The following SIPA1L2 variants were observed in gnomAD, a reference collection of about 807,000 sequenced individuals.
The protein encoded by SIPA1L2 is signal-induced proliferation-associated 1-like protein 2.
SIPA1L2 carries 56 observed loss-of-function variants against 163.9 expected under a neutral mutation model. The ratio of observed to expected loss-of-function variants is 0.34; its 90% CI spans 0.28 to 0.43. The LOEUF (loss-of-function observed/expected upper bound fraction) is 0.43. Among genes scored for constraint, SIPA1L2 ranks in the 20% least tolerant of loss-of-function variants. The probability of loss-of-function intolerance (pLI) is 1.00; values close to 1 mark genes in which losing one functional copy is unlikely to be tolerated. For missense variants in SIPA1L2, 1,974 were observed against 2,193.5 expected, an observed-to-expected ratio of 0.90 and a Z score of 2.00; for synonymous variants, 877 against 865.7, an observed-to-expected ratio of 1.01 and a Z score of -0.23.
rs184413397 is a variant in SIPA1L2 at position 232,437,337 on chromosome 1, A to G, written c.4031+1771T>C. Among the ~76,000 whole-genome samples, 167 of 152,348 alleles carry G rather than the reference A, an allele frequency of 1.1e-3. 3 individuals are homozygous for G. The highest frequency in any genetic ancestry group is 9.3e-3 in the Admixed American group (142 of 15,306). On this transcript the variant is annotated intron_variant, in intron 15 of 22. Coordinates refer to ENST00000674635, the MANE Select transcript of SIPA1L2 (RefSeq NM_020808.5). ...AGATGGTCTCCACAGTATGACCACTATTCCTGAAATTAAGCCAGGAATAAT... is the reference window on the plus strand; with the variant it reads ...AGATGGTCTCCACAGTATGACCACTGTTCCTGAAATTAAGCCAGGAATAAT...
chr1:232,408,288 G>GTTTT (rs56832581), intron 19 of SIPA1L2, among the ~76,000 whole-genome samples: 5 of 146,536 alleles, frequency 3.4e-5, no homozygotes, highest in Admixed American at 6.8e-5. Context: ...ATGAAGGACT[G>GTTTT]TTTTTTTTTT....
intron 5 of SIPA1L2, 113 bp downstream of exon 5, chr1:232,490,761 T>A (rs534426995): frequency 1.8e-6 from 2 of 1,120,922 alleles, no homozygotes; most frequent in Non-Finnish European, 2.6e-6. Context: ...GAGAAAATGT[T>A]CTAAGGCATT....
chr1:232,538,562 G>A (rs1222069281), intron 2 of SIPA1L2, among the ~76,000 whole-genome samples: 1 of 152,048 alleles, frequency 6.6e-6, no homozygotes, highest in Non-Finnish European at 1.5e-5. Context: ...GCACTCAAAT[G>A]GCCTATGTAA....
intron 7 of SIPA1L2, among the ~76,000 whole-genome samples, 191 bp downstream of exon 7, chr1:232,479,436 C>A (rs766080468): frequency 6.6e-6 from 1 of 152,092 alleles, no homozygotes; most frequent in Non-Finnish European, 1.5e-5. Context: ...AAGTTTTATA[C>A]GAAAAAAGTG....
chr1:232,584,521 C>T (rs963265521), intron 1 of SIPA1L2, among the ~76,000 whole-genome samples: 1 of 152,188 alleles, frequency 6.6e-6, no homozygotes, highest in East Asian at 1.9e-4. Flanking sequence ...TTTGTTGAAC[C>T]TAAGCATAAA....
chr1:232,579,109 C>A (rs911971950), intron 1 of SIPA1L2, among the ~76,000 whole-genome samples: 2 of 152,182 alleles, frequency 1.3e-5, no homozygotes, highest in African/African-American at 4.8e-5. Flanking sequence ...TGCAGACAAA[C>A]AGAGGTCTGG....
At chr1:232,607,438 AT>A (rs1168318197) in intron 1 of SIPA1L2, among the ~76,000 whole-genome samples, 1 of 152,228 alleles carries the variant, frequency 6.6e-6, no homozygotes, top group African/African-American at 2.4e-5. Context: ...AATAACAAAT[AT>A]TACATTGGGT....
chr1:232,403,225 G>A (rs550658499), intron 21 of SIPA1L2, among the ~76,000 whole-genome samples: 1 of 152,340 alleles, frequency 6.6e-6, no homozygotes, highest in East Asian at 1.9e-4. Flanking sequence ...TGGCAGGCAG[G>A]GTGTGCCCAT....
chr1:232,550,030 G>T (rs1201192142), intron 2 of SIPA1L2, among the ~76,000 whole-genome samples: 1 of 152,130 alleles, frequency 6.6e-6, no homozygotes, highest in Non-Finnish European at 1.5e-5. Flanking sequence ...CCTGAAGAGG[G>T]ATTACACACT....
chr1:232,428,209 C>T (rs1197663626), intron 17 of SIPA1L2, among the ~76,000 whole-genome samples: 1 of 152,168 alleles, frequency 6.6e-6, no homozygotes, highest in Middle Eastern at 3.2e-3. Context: ...TAAAAACAGC[C>T]TTCTTAACCT....
At chr1:232,419,462 A>G (rs1238443108) in intron 18 of SIPA1L2, among the ~76,000 whole-genome samples, 1 of 152,158 alleles carries the variant, frequency 6.6e-6, no homozygotes, top group Non-Finnish European at 1.5e-5. Context: ...TGTTGAAGGT[A>G]GGGCCTCGTG....
chr1:232,620,200 C>A (rs970946033), intron 1 of SIPA1L2, among the ~76,000 whole-genome samples: 1 of 152,044 alleles, frequency 6.6e-6, no homozygotes, highest in African/African-American at 2.4e-5. Context: ...TTTAAATTAC[C>A]ATTTTTCTCC....
chr1:232,514,228 G>C lies in SIPA1L2; in HGVS notation c.1112C>G (p.Thr371Arg). 6.2e-7 allele frequency: 1 copy of C among 1,614,192 alleles called. No individual in the cohort carries two copies. The highest frequency in any genetic ancestry group is 8.5e-7 in the Non-Finnish European group (1 of 1,180,044). Residue 371 changes from threonine (T) to arginine (R), a missense_variant, in exon 3 of 23, where the codon ACG (threonine) becomes AGG (arginine). Transcript: ENST00000674635. Reference protein sequence around the residue: ...ASAASQTQMPTGQTGNCESPL... With the variant: ...ASAASQTQMPRGQTGNCESPL... ...GGACTCACAGTTGCCTGTCTGGCCC[G>C]TAGGCATCTGAGTCTGGGATGCTGC... is the stretch of plus-strand genomic sequence containing the variant.
chr1:232,472,423 G>A (rs986659470), intron 7 of SIPA1L2, among the ~76,000 whole-genome samples: 1 of 152,176 alleles, frequency 6.6e-6, no homozygotes, highest in Non-Finnish European at 1.5e-5. Context: ...CTAATGGTGT[G>A]CCAGGCAAAG....
In SIPA1L2 at chr1:232,512,591, C is replaced by T. The variant is rs186251579; in HGVS notation, c.1483+1266G>A. On this transcript the variant is annotated intron_variant, in intron 3 of 22. Transcript: ENST00000674635. ...GCAGGGACATGGATGAAGCTGGAAA[C>T]CATCATTCTCAGCAAACTAACACAG... 9.6e-4 allele frequency among the ~76,000 whole-genome samples: 146 copies of T among 152,174 alleles called. No homozygotes were observed. The South Asian group carries it at 0.015, about 16-fold the overall frequency.
chr1:232,613,805 C>T (rs1276981452), intron 1 of SIPA1L2, among the ~76,000 whole-genome samples: 1 of 152,130 alleles, frequency 6.6e-6, no homozygotes, highest in Non-Finnish European at 1.5e-5. Flanking sequence ...GTGCTATGTG[C>T]TTTCTAACCC....
chr1:232,466,123 A>T (rs1471855932), intron 8 of SIPA1L2, among the ~76,000 whole-genome samples: 1 of 152,110 alleles, frequency 6.6e-6, no homozygotes, highest in Non-Finnish European at 1.5e-5. Flanking sequence ...GCACTCTATA[A>T]CTCTGTGGGG....
chr1:232,562,137 T>C (rs1210685564), intron 2 of SIPA1L2, among the ~76,000 whole-genome samples: 3 of 152,122 alleles, frequency 2.0e-5, no homozygotes, highest in Admixed American at 6.5e-5. Context: ...ATGACCCAAA[T>C]GTAGTTAGGA....
intron 18 of SIPA1L2, among the ~76,000 whole-genome samples, chr1:232,425,220 G>T (rs560683857): frequency 1.3e-5 from 2 of 151,626 alleles, no homozygotes; most frequent in African/African-American, 2.4e-5. Flanking sequence ...CCTCCTTGCT[G>T]TCACCCACTG....
Sources: allele counts gnomAD v4.1 joint callset (sites outside exome capture counted in the v4.1 genomes callset), GRCh38; gene constraint gnomAD v4.1.1; transcripts MANE v1.5; gene names NCBI Gene and HGNC (gene_info 2026-07-23, HGNC 2026-07-21).